RGS6: variants seen among roughly 807,000 people sequenced by gnomAD.
The protein encoded by RGS6 is regulator of G-protein signaling 6.
In RGS6, 30 loss-of-function variants were observed where a neutral mutation model predicts 78.5. The observed-to-expected ratio is 0.38, with a 90% CI of 0.29 to 0.52. The LOEUF is 0.52. Ranked by LOEUF, RGS6 falls within the 20% of genes least tolerant of loss-of-function variation. The pLI is 0.85. For synonymous variants in RGS6, 206 were observed against 206.0 expected, an observed-to-expected ratio of 1.00 and a Z score of 0.00; for missense variants, 495 against 609.7, an observed-to-expected ratio of 0.81 and a Z score of 1.98.
intron 3 of RGS6, among the ~76,000 whole-genome samples, chr14:72,416,628 A>T (rs1049885438): frequency 7.2e-5 from 11 of 152,214 alleles, no homozygotes; most frequent in African/African-American, 2.7e-4. Flanking sequence ...AAGTAGCAGT[A>T]GACACCTGAC....
intron 3 of RGS6, among the ~76,000 whole-genome samples, chr14:72,369,692 T>C (rs966850313): frequency 6.6e-6 from 1 of 152,216 alleles, no homozygotes; most frequent in Non-Finnish European, 1.5e-5. Flanking sequence ...ACTTATGTAG[T>C]AGAATTATTT....
intron 3 of RGS6, among the ~76,000 whole-genome samples, chr14:72,410,928 A>C (rs978479352): frequency 2.3e-4 from 35 of 152,176 alleles, no homozygotes; most frequent in Admixed American, 1.1e-3. Context: ...ATTGGTCTAT[A>C]TCTCTGTTTT....
chr14:71,874,462 G>A, the RGS6 span, among the ~76,000 whole-genome samples: 6 of 152,088 alleles, frequency 3.9e-5, no homozygotes, highest in East Asian at 1.9e-4. Flanking sequence ...GTGGTGTATA[G>A]GAATGCTTGT....
At chr14:72,598,599 GAGAC>G in the RGS6 span, among the ~76,000 whole-genome samples, 3 of 152,228 alleles carry the variant, frequency 2.0e-5, no homozygotes, top group Admixed American at 1.3e-4. Context: ...GGAAGACAGA[GAGAC>G]AGGCTTGCCA....
chr14:71,952,701 A>G (rs1415732515), intron 1 of RGS6, among the ~76,000 whole-genome samples: 1 of 152,124 alleles, frequency 6.6e-6, no homozygotes, highest in East Asian at 1.9e-4. Flanking sequence ...CTTAAGAGGA[A>G]AAGTCTACCA....
intron 15 of RGS6, among the ~76,000 whole-genome samples, chr14:72,518,919 A>G (rs943333209): frequency 1.3e-5 from 2 of 152,212 alleles, no homozygotes; most frequent in Non-Finnish European, 2.9e-5. Flanking sequence ...CTACCTCTGA[A>G]GCCCACACTG....
At chr14:71,989,084 C>A (rs560323546) in intron 2 of RGS6, among the ~76,000 whole-genome samples, 10 of 152,336 alleles carry the variant, frequency 6.6e-5, no homozygotes, top group African/African-American at 2.4e-4. Context: ...GATGCAATGT[C>A]CAAATGGCTG....
intron 2 of RGS6, among the ~76,000 whole-genome samples, chr14:72,079,233 T>G (rs2153472212): frequency 6.6e-6 from 1 of 152,218 alleles, no homozygotes; most frequent in African/African-American, 2.4e-5. Flanking sequence ...ATTTAGAATT[T>G]TACTTTTAAG....
intron 17 of RGS6, among the ~76,000 whole-genome samples, chr14:72,545,199 C>T (rs1246432293): frequency 6.6e-6 from 1 of 152,250 alleles, no homozygotes; most frequent in Admixed American, 6.5e-5. Context: ...CCTTTGGGAC[C>T]ACTGGGTCAC....
chr14:72,068,430 T>A (rs2094260340), intron 2 of RGS6, among the ~76,000 whole-genome samples: 1 of 151,366 alleles, frequency 6.6e-6, no homozygotes, highest in South Asian at 2.1e-4. Context: ...CCACTGCATC[T>A]GGCCGAATAT....
intron 2 of RGS6, among the ~76,000 whole-genome samples, chr14:72,288,844 T>C (rs867608948): frequency 5.3e-5 from 8 of 152,182 alleles, no homozygotes; most frequent in Non-Finnish European, 7.3e-5. Flanking sequence ...AAACATCTTA[T>C]GTAGATTTTT....
the RGS6 span, among the ~76,000 whole-genome samples, chr14:72,616,850 G>A: frequency 6.6e-6 from 1 of 152,200 alleles, no homozygotes; most frequent in Non-Finnish European, 1.5e-5. Flanking sequence ...ATGTGACCAC[G>A]GAGACTTTTG....
intron 2 of RGS6, among the ~76,000 whole-genome samples, chr14:71,978,119 T>C (rs1325169501): frequency 6.9e-6 from 1 of 144,966 alleles, no homozygotes. Context: ...TTTTGTATCC[T>C]GAGACTTTGC....
At chr14:71,897,002 C>T in the RGS6 span, among the ~76,000 whole-genome samples, 1 of 152,198 alleles carries the variant, frequency 6.6e-6, no homozygotes, top group South Asian at 2.1e-4. Flanking sequence ...CTACTCAGCA[C>T]CTGTTCTTCT....
intron 2 of RGS6, among the ~76,000 whole-genome samples, chr14:72,009,402 T>C (rs950675378): frequency 1.3e-5 from 2 of 152,142 alleles, no homozygotes; most frequent in Admixed American, 6.5e-5. Flanking sequence ...TGTGATAAGC[T>C]TCCCTGGTAG....
chr14:72,011,989 T>C (rs1458179595), intron 2 of RGS6, among the ~76,000 whole-genome samples: 8 of 152,232 alleles, frequency 5.3e-5, no homozygotes, highest in Admixed American at 4.6e-4. Flanking sequence ...AGGGAATACA[T>C]GTAATTTTGA....
chr14:72,044,035 T>C (rs1465798674), intron 2 of RGS6, among the ~76,000 whole-genome samples: 2 of 152,156 alleles, frequency 1.3e-5, no homozygotes, highest in African/African-American at 2.4e-5. Context: ...CTGGGAGGTG[T>C]CTATTGAGCT....
chr14:71,921,576 C>G, the RGS6 span, among the ~76,000 whole-genome samples: 2 of 152,184 alleles, frequency 1.3e-5, no homozygotes, highest in African/African-American at 4.8e-5. Flanking sequence ...GTGGATGACC[C>G]TGGCAGACAT....
rs1049384676 is a variant in RGS6, at chr14:72,564,850, A to C, written c.*2383A>C. 6.6e-6 allele frequency: 1 copy of C among 152,346 alleles called. No individual in the cohort carries two copies. The highest frequency in any genetic ancestry group is 2.4e-5 in the African/African-American group (1 of 41,450). The allele number at this position is 152,346 out of a possible 1,614,324, so 9.4% of individuals were successfully genotyped here. A position where few individuals can be genotyped will look rare whatever the true frequency, so the allele number is the denominator to read the frequency against. ...TCCAGAGGGGAGGGTCAGTAAGCAC[A>C]ACGGAGCTAGGGAGACTTCAGATGG... On this transcript the variant is annotated 3_prime_UTR_variant, in exon 18 of 18. Transcript: ENST00000553525.
Sources: allele counts gnomAD v4.1 joint callset (sites outside exome capture counted in the v4.1 genomes callset), GRCh38; gene constraint gnomAD v4.1.1; transcripts MANE v1.5; gene names NCBI Gene and HGNC (gene_info 2026-07-23, HGNC 2026-07-21).